Variants in ARHGAP23 observed in about 807,000 individuals in gnomAD.
The protein encoded by ARHGAP23 is Rho GTPase activating protein 23.
A neutral mutation model predicts 136.3 loss-of-function variants in ARHGAP23; 34 were observed. The ratio of observed to expected loss-of-function variants is 0.25; its 90% CI spans 0.19 to 0.33. The LOEUF (loss-of-function observed/expected upper bound fraction) is 0.33, where lower values mean the gene tolerates loss of function less well. Ranked by LOEUF, ARHGAP23 falls within the 10% of genes least tolerant of loss-of-function variation. ARHGAP23 has a pLI of 1.00. For synonymous variants in ARHGAP23, 832 were observed against 920.5 expected (o/e 0.90, Z 1.74); for missense variants, 1,808 against 2,139.0 (o/e 0.85, Z 3.05).
chr17:38,420,354 G>A (rs1046954657), intron 1 of ARHGAP23, among the ~76,000 whole-genome samples: 6 of 152,216 alleles, frequency 3.9e-5, no homozygotes, highest in East Asian at 3.8e-4. Context: ...CTGGAGAGGC[G>A]GGATAGGTTT....
chr17:38,471,614 TGTG>T (rs1165763239), intron 10 of ARHGAP23, among the ~76,000 whole-genome samples: 6 of 152,244 alleles, frequency 3.9e-5, no homozygotes, highest in African/African-American at 1.4e-4. Context: ...GCTCCTGTAG[TGTG>T]GTGAGGCGTG....
intron 11 of ARHGAP23, among the ~76,000 whole-genome samples, chr17:38,474,962 C>G (rs1468234823): frequency 1.3e-5 from 2 of 152,182 alleles, no homozygotes; most frequent in Non-Finnish European, 2.9e-5. Context: ...GGGAGCCTGA[C>G]CCTCAGCTCC....
intron 17 of ARHGAP23, among the ~76,000 whole-genome samples, chr17:38,487,724 T>C (rs1367468509): frequency 1.3e-5 from 2 of 151,640 alleles, no homozygotes; most frequent in Non-Finnish European, 2.9e-5. Context: ...ATTAGCTGGA[T>C]GTGGTGGCGG....
intron 21 of ARHGAP23, 43 bp downstream of exon 21, chr17:38,497,869 G>A (rs1597842299): frequency 6.5e-7 from 1 of 1,547,292 alleles, no homozygotes; most frequent in East Asian, 2.4e-5. Context: ...GGCTGGTCTG[G>A]GGTGAGCCCC....
At chr17:38,428,593 G>A (rs2038613363) in intron 1 of ARHGAP23, 45 bp downstream of exon 1, 5 of 1,291,346 alleles carry the variant, frequency 3.9e-6, no homozygotes, top group Non-Finnish European at 5.0e-6. Context: ...GGTAGCTGCT[G>A]GGGAGCGGGC....
intron 1 of ARHGAP23, among the ~76,000 whole-genome samples, chr17:38,435,918 A>C (rs542883960): frequency 6.6e-6 from 1 of 152,164 alleles, no homozygotes; most frequent in African/African-American, 2.4e-5. Context: ...ATTCTTATAA[A>C]TCTCCCTTTC....
At chr17:38,450,658 T>A (rs1007149974) in intron 1 of ARHGAP23, 2 of 152,230 alleles carry the variant, frequency 1.3e-5, no homozygotes, top group African/African-American at 4.8e-5. Flanking sequence ...TCTGCCCACC[T>A]TGGCCTCCCA....
chr17:38,431,609 C>T (rs2038687643), intron 1 of ARHGAP23, among the ~76,000 whole-genome samples: 2 of 152,204 alleles, frequency 1.3e-5, no homozygotes, highest in African/African-American at 4.8e-5. Flanking sequence ...GGTGTCTCCT[C>T]CCCCATTGCC....
chr17:38,425,667 T>C (rs12603430), upstream of ARHGAP23, among the ~76,000 whole-genome samples: 28,836 of 151,948 alleles, frequency 0.19, 2,866 homozygotes, highest in East Asian at 0.39. Context: ...GCTCTATGGC[T>C]CCAAACCCCA....
At chr17:38,491,650 A>G (rs1342978735) in intron 20 of ARHGAP23, 118 bp downstream of exon 20, 4 of 1,372,580 alleles carry the variant, frequency 2.9e-6, no homozygotes, top group Middle Eastern at 2.6e-4. Context: ...CGGCAGCTTT[A>G]GAGCATGCTG....
chr17:38,507,135 G>A (rs1459385116), intron 23 of ARHGAP23, among the ~76,000 whole-genome samples: 1 of 151,978 alleles, frequency 6.6e-6, no homozygotes, highest in African/African-American at 2.4e-5. Context: ...TTAGCCAGGT[G>A]TGGTGGTGTA....
chr17:38,511,135 G>A lies in ARHGAP23; in HGVS notation c.*163G>A. On this transcript the variant is annotated 3_prime_UTR_variant, in exon 24 of 24. Coordinates refer to ENST00000622683, the MANE Select transcript of ARHGAP23 (RefSeq NM_001199417.2). ...TAGTTGGTGTGCTGGAACTGGCAGGGCAGAGGAGAAGGCTGGGGCCGGACT... is the reference window on the plus strand; with the variant it reads ...TAGTTGGTGTGCTGGAACTGGCAGGACAGAGGAGAAGGCTGGGGCCGGACT... 2.6e-6 allele frequency: 2 copies of A among 761,238 alleles called. No homozygotes were observed. Among genetic ancestry groups the A allele is most frequent in the Non-Finnish European group, 1.9e-6 (1 of 523,206 alleles). 47.2% of individuals were successfully genotyped at this position (761,238 alleles called of 1,614,324 possible). A position where few individuals can be genotyped will look rare whatever the true frequency, so the allele number is the denominator to read the frequency against.
chr17:38,478,545 G>A (rs1021280356), intron 12 of ARHGAP23, among the ~76,000 whole-genome samples: 2 of 152,014 alleles, frequency 1.3e-5, no homozygotes, highest in African/African-American at 4.8e-5. Flanking sequence ...CTCCCGAGTA[G>A]CTGGGACTAT....
At chr17:38,445,139 G>T (rs1290536746) in intron 1 of ARHGAP23, among the ~76,000 whole-genome samples, 1 of 151,004 alleles carries the variant, frequency 6.6e-6, no homozygotes, top group African/African-American at 2.4e-5. Flanking sequence ...GTGTGTGTTT[G>T]ATTTCTGACT....
In ARHGAP23 at chr17:38,434,731, A is replaced by T. The variant is rs114546276; in HGVS notation, c.63+6183A>T. ...CGAGAGTGTTTCTGTCTCCTATCTG[A>T]CTTCTGTCTGGCTCTGTGCTCCTGT... is the stretch of plus-strand genomic sequence containing the variant. On this transcript the variant is annotated intron_variant, in intron 1 of 23. Transcript: ENST00000622683. Among the ~76,000 whole-genome samples the T allele has an allele frequency of 1.8e-3, 271 of 152,278 alleles. 2 individuals are homozygous for T. Among genetic ancestry groups the T allele is most frequent in the African/African-American group, 6.2e-3 (258 of 41,546 alleles).
chr17:38,483,500 C>A (rs1455218451), intron 16 of ARHGAP23, among the ~76,000 whole-genome samples: 2 of 152,230 alleles, frequency 1.3e-5, no homozygotes, highest in South Asian at 4.1e-4. Flanking sequence ...CTAGAGCAAC[C>A]CTGCTTTGCC....
At chr17:38,466,136 C>T (rs767319098) in intron 6 of ARHGAP23, 31 bp from the exon 7 acceptor site, 3 of 1,445,172 alleles carry the variant, frequency 2.1e-6, no homozygotes, top group Non-Finnish European at 2.7e-6. Flanking sequence ...CTTGTCTGGC[C>T]CTGCTTACCT....
At chr17:38,473,214 A>G (rs2039806661) in intron 11 of ARHGAP23, among the ~76,000 whole-genome samples, 2 of 149,914 alleles carry the variant, frequency 1.3e-5, no homozygotes, top group South Asian at 4.2e-4. Context: ...TCGGCCTCCC[A>G]AAGTGCTGGG....
At chr17:38,501,347 G>T (rs947986824) in intron 23 of ARHGAP23, among the ~76,000 whole-genome samples, 1 of 151,848 alleles carries the variant, frequency 6.6e-6, no homozygotes, top group Admixed American at 6.6e-5. Context: ...TGTCACCCAG[G>T]CTGGAGTGCA....
Sources: gnomAD v4.1 joint callset for allele counts (sites outside exome capture counted in the v4.1 genomes callset) on GRCh38, gnomAD v4.1.1 for gene constraint, MANE v1.5 for transcripts, NCBI Gene and HGNC (gene_info 2026-07-23, HGNC 2026-07-21) for gene names.